The following SLC4A10 variants were observed in gnomAD, a reference collection of about 807,000 sequenced individuals.
SLC4A10 encodes the protein sodium-driven chloride bicarbonate exchanger.
Under a neutral mutation model 137.7 loss-of-function variants are expected in SLC4A10, and 42 were observed. The observed-to-expected ratio is 0.30, with a 90% CI of 0.24 to 0.39. The LOEUF is 0.39. Ranked by LOEUF, SLC4A10 falls within the 10% of genes least tolerant of loss-of-function variation. The pLI is 1.00. For missense variants in SLC4A10, 925 were observed against 1,355.0 expected, an observed-to-expected ratio of 0.68 and a Z score of 4.98; for synonymous variants, 474 against 464.1, an observed-to-expected ratio of 1.02 and a Z score of -0.27.
intron 19 of SLC4A10, among the ~76,000 whole-genome samples, chr2:161,952,545 G>T (rs1339022346): frequency 6.6e-6 from 1 of 152,142 alleles, no homozygotes; most frequent in African/African-American, 2.4e-5. Flanking sequence ...AAATGATTAT[G>T]TAGTCAAAAG....
chr2:161,953,365 T>C (rs1308850787), intron 19 of SLC4A10, among the ~76,000 whole-genome samples: 1 of 152,146 alleles, frequency 6.6e-6, no homozygotes, highest in East Asian at 1.9e-4. Context: ...ATCCCAGCAC[T>C]TTGGGAGGCC....
At chr2:161,782,378 C>A (rs1276144332) in intron 2 of SLC4A10, among the ~76,000 whole-genome samples, 1 of 151,914 alleles carries the variant, frequency 6.6e-6, no homozygotes, top group African/African-American at 2.4e-5. Context: ...TGGGGATCTT[C>A]CATATAAGGC....
intron 1 of SLC4A10, among the ~76,000 whole-genome samples, chr2:161,726,357 C>A (rs550891325): frequency 6.6e-6 from 1 of 152,132 alleles, no homozygotes; most frequent in Non-Finnish European, 1.5e-5. Context: ...TACACAGCTA[C>A]TTTTCCTATC....
chr2:161,718,360 T>C (rs1559098479), intron 1 of SLC4A10, among the ~76,000 whole-genome samples: 1 of 152,126 alleles, frequency 6.6e-6, no homozygotes, highest in Non-Finnish European at 1.5e-5. Flanking sequence ...TTGCTCTTGG[T>C]TCTCTGTAAA....
At chr2:161,785,929 A>T (rs891625264) in intron 2 of SLC4A10, among the ~76,000 whole-genome samples, 48 of 152,098 alleles carry the variant, frequency 3.2e-4, no homozygotes, top group African/African-American at 1.2e-3. Flanking sequence ...GATGTTTATT[A>T]GGTCCATTTG....
In SLC4A10 at chr2:161,872,176, C is replaced by T. The variant is rs188373577; in HGVS notation, c.767-117C>T. 1.2e-3 allele frequency: 719 copies of T among 582,332 alleles called. 8 individuals are homozygous for T. In the Admixed American group the frequency reaches 0.018, roughly 14 times the overall value. The allele number at this position is 582,332 out of a possible 1,614,324, so 36.1% of individuals were successfully genotyped here. A position where few individuals can be genotyped will look rare whatever the true frequency, so the allele number is the denominator to read the frequency against. Reference sequence around the variant, plus strand: ...TATTTATATTGACCCTTCATTCTTACATCATAAATTTATTAAGAAACCTGT... The same window carrying T: ...TATTTATATTGACCCTTCATTCTTATATCATAAATTTATTAAGAAACCTGT... On this transcript the variant is annotated intron_variant, in intron 6 of 26. Transcript: ENST00000446997.
chr2:161,886,107 T>C (rs1222935827), intron 10 of SLC4A10, among the ~76,000 whole-genome samples: 1 of 152,062 alleles, frequency 6.6e-6, no homozygotes, highest in Non-Finnish European at 1.5e-5. Flanking sequence ...TCAAAATAAA[T>C]ACATAAATAA....
At chr2:161,803,679 C>CT (rs887709977) in intron 2 of SLC4A10, among the ~76,000 whole-genome samples, 2 of 152,114 alleles carry the variant, frequency 1.3e-5, no homozygotes, top group Non-Finnish European at 2.9e-5. Flanking sequence ...TCTCTCATGT[C>CT]TTTTTTGTGG....
intron 1 of SLC4A10, among the ~76,000 whole-genome samples, chr2:161,690,317 A>G (rs957149526): frequency 2.0e-5 from 3 of 152,160 alleles, no homozygotes; most frequent in Admixed American, 6.5e-5. Context: ...AAGGCTGTGG[A>G]GAAATAGGAA....
intron 4 of SLC4A10, among the ~76,000 whole-genome samples, chr2:161,849,220 A>G (rs2059680739): frequency 5.3e-5 from 8 of 152,030 alleles, no homozygotes; most frequent in Admixed American, 4.6e-4. Context: ...TTATTGGTGT[A>G]TATAAACATA....
chr2:161,882,597 A>T (rs2061886240), intron 10 of SLC4A10, among the ~76,000 whole-genome samples, 153 bp downstream of exon 10: 1 of 152,054 alleles, frequency 6.6e-6, no homozygotes, highest in African/African-American at 2.4e-5. Flanking sequence ...CCTTTAGAAA[A>T]ATGTTTCCCA....
chr2:161,760,057 A>G (rs1392803342), intron 1 of SLC4A10, among the ~76,000 whole-genome samples: 1 of 151,934 alleles, frequency 6.6e-6, no homozygotes, highest in African/African-American at 2.4e-5. Flanking sequence ...GTGTGTGGGC[A>G]TGAATTTTCT....
intron 8 of SLC4A10, among the ~76,000 whole-genome samples, chr2:161,875,498 A>G (rs1055535887): frequency 8.5e-5 from 13 of 152,240 alleles, no homozygotes; most frequent in African/African-American, 3.1e-4. Context: ...GGATAGACGT[A>G]TCAAACTTAC....
intron 2 of SLC4A10, among the ~76,000 whole-genome samples, chr2:161,787,686 T>C (rs1051006393): frequency 5.9e-5 from 9 of 152,176 alleles, no homozygotes; most frequent in African/African-American, 1.9e-4. Flanking sequence ...TCTGAAATTC[T>C]TTCTTCTACT....
chr2:161,926,911 T>C (rs921969047), intron 15 of SLC4A10, among the ~76,000 whole-genome samples: 59 of 151,954 alleles, frequency 3.9e-4, no homozygotes, highest in African/African-American at 1.3e-3. Flanking sequence ...GCTTGTAGAG[T>C]TTCTGCTGAG....
At chr2:161,720,478 A>C (rs2045529996) in intron 1 of SLC4A10, among the ~76,000 whole-genome samples, 1 of 152,100 alleles carries the variant, frequency 6.6e-6, no homozygotes, top group Admixed American at 6.5e-5. Context: ...TCTATAAATT[A>C]CCTTGTATCT....
chr2:161,835,033 A>G (rs967577965), intron 3 of SLC4A10, among the ~76,000 whole-genome samples: 9 of 107,044 alleles, frequency 8.4e-5, no homozygotes, highest in Admixed American at 4.0e-4. Context: ...CCTTAAGACT[A>G]TATGTCTTTT....
rs1282656739 is a variant in SLC4A10 at position 161,879,371 on chromosome 2, G to A, written c.1106+83G>A. On this transcript the variant is annotated intron_variant, in intron 9 of 26. Transcript: ENST00000446997. ...AAATGAGGATTCAATGTAATTTTCT[G>A]TTAGAGTTTTGACTAGAAACTAATG... 15 of 1,387,566 alleles carry A rather than the reference G, an allele frequency of 1.1e-5. No individual in the cohort carries two copies. In the East Asian group the frequency reaches 3.1e-4, roughly 29 times the overall value. The allele number at this position is 1,387,566 out of a possible 1,614,324, so 86.0% of individuals were successfully genotyped here.
intron 1 of SLC4A10, among the ~76,000 whole-genome samples, chr2:161,644,922 G>A (rs751458542): frequency 6.6e-6 from 1 of 152,086 alleles, no homozygotes; most frequent in Non-Finnish European, 1.5e-5. Flanking sequence ...ACAATTTGAA[G>A]TGATAATAAA....
Sources: gnomAD v4.1 joint callset for allele counts (sites outside exome capture counted in the v4.1 genomes callset) on GRCh38, gnomAD v4.1.1 for gene constraint, MANE v1.5 for transcripts, NCBI Gene and HGNC (gene_info 2026-07-23, HGNC 2026-07-21) for gene names.